Variants in ADCY8 observed in about 807,000 individuals in gnomAD.
The protein encoded by ADCY8 is adenylate cyclase type 8.
In ADCY8, 51 loss-of-function variants were observed where a neutral mutation model predicts 119.7. The observed-to-expected ratio is 0.43, with a 90% CI of 0.34 to 0.54. The LOEUF is 0.54. ADCY8 is among the 20% of genes least tolerant of loss of function. The pLI is 0.03. For synonymous variants in ADCY8, 665 were observed against 651.0 expected, an observed-to-expected ratio of 1.02 and a Z score of -0.33; for missense variants, 1,383 against 1,598.8, an observed-to-expected ratio of 0.87 and a Z score of 2.30.
rs1406572191 is a variant in ADCY8 at position 131,009,175 on chromosome 8, T to C, written c.961-18633A>G. Among the ~76,000 whole-genome samples the C allele has an allele frequency of 2.0e-5, 3 of 152,330 alleles. No homozygotes were observed. The South Asian group carries it at 6.2e-4, about 32-fold the overall frequency. ...CAATGGGGAAAATGTCTGCAGGGCA[T>C]GTCAGAGACCTTCACAGCAGCCTCC... On this transcript the variant is annotated intron_variant, in intron 1 of 17. Coordinates refer to ENST00000286355, the MANE Select transcript of ADCY8 (RefSeq NM_001115.3).
intron 2 of ADCY8, among the ~76,000 whole-genome samples, chr8:130,965,848 AC>A (rs1365323957): frequency 6.6e-6 from 1 of 152,200 alleles, no homozygotes; most frequent in African/African-American, 2.4e-5. Context: ...TTTTCAATTA[AC>A]CAAGCAACAG....
intron 1 of ADCY8, among the ~76,000 whole-genome samples, chr8:131,037,516 G>A (rs1386783613): frequency 6.6e-6 from 1 of 152,160 alleles, no homozygotes; most frequent in Non-Finnish European, 1.5e-5. Context: ...TTTTCTAGTT[G>A]TGTGTACTGA....
intron 2 of ADCY8, among the ~76,000 whole-genome samples, chr8:130,969,252 C>T (rs78835487): frequency 1.3e-5 from 2 of 152,128 alleles, no homozygotes; most frequent in East Asian, 3.9e-4. Context: ...CTCTCCCAAG[C>T]AGAAAGGAAT....
chr8:130,781,209 A>T (rs1262023429), intron 17 of ADCY8, among the ~76,000 whole-genome samples: 1 of 152,196 alleles, frequency 6.6e-6, no homozygotes, highest in Admixed American at 6.5e-5. Flanking sequence ...GACTTGTCTT[A>T]GTCTGTGAGA....
chr8:130,990,272 T>C (rs1474302635), intron 2 of ADCY8, 121 bp downstream of exon 2: 1 of 1,310,270 alleles, frequency 7.6e-7, no homozygotes, highest in African/African-American at 1.5e-5. Context: ...TGGAATCCTG[T>C]GACATAAACT....
At chr8:131,018,107 G>A (rs774200934) in intron 1 of ADCY8, among the ~76,000 whole-genome samples, 1 of 152,154 alleles carries the variant, frequency 6.6e-6, no homozygotes, top group Non-Finnish European at 1.5e-5. Flanking sequence ...AAAGAAGTGG[G>A]CTTTGAAGTA....
chr8:130,904,897 C>A (rs565435483), intron 6 of ADCY8, among the ~76,000 whole-genome samples: 2 of 152,086 alleles, frequency 1.3e-5, no homozygotes, highest in African/African-American at 4.8e-5. Flanking sequence ...CTACTTATTG[C>A]GTTATAGTGT....
intron 14 of ADCY8, among the ~76,000 whole-genome samples, chr8:130,803,989 GT>G (rs1409253377): frequency 2.6e-5 from 4 of 152,198 alleles, no homozygotes; most frequent in Admixed American, 6.5e-5. Context: ...CAGAGCAAAG[GT>G]AAATGGCTTT....
chr8:130,846,896 C>CCT (rs1487731418), intron 11 of ADCY8, among the ~76,000 whole-genome samples: 2 of 75,708 alleles, frequency 2.6e-5, no homozygotes, highest in Non-Finnish European at 5.6e-5. Flanking sequence ...CCTTTCCTTC[C>CCT]TTCCTTCCTT....
At chr8:130,958,312 A>G (rs1821494112) in intron 2 of ADCY8, among the ~76,000 whole-genome samples, 1 of 152,196 alleles carries the variant, frequency 6.6e-6, no homozygotes, top group African/African-American at 2.4e-5. Context: ...AGAAAATTGA[A>G]TGCATAAGCA....
intron 13 of ADCY8, among the ~76,000 whole-genome samples, chr8:130,821,062 G>A (rs1816493468): frequency 6.6e-6 from 1 of 152,116 alleles, no homozygotes; most frequent in African/African-American, 2.4e-5. Context: ...CAACAGAATT[G>A]GGAGGGATCC....
chr8:130,812,009 A>G (rs1359499629), intron 14 of ADCY8, among the ~76,000 whole-genome samples: 1 of 152,042 alleles, frequency 6.6e-6, no homozygotes, highest in African/African-American at 2.4e-5. Context: ...GTCATTTCTC[A>G]CCTCCCACAT....
intron 9 of ADCY8, among the ~76,000 whole-genome samples, chr8:130,854,864 G>A (rs1394007780): frequency 3.0e-5 from 3 of 101,034 alleles, no homozygotes; most frequent in South Asian, 7.1e-4. Context: ...CCCTCTGTAG[G>A]TCACTACCTC....
chr8:130,973,990 T>G (rs1172538940), intron 2 of ADCY8, among the ~76,000 whole-genome samples: 1 of 152,192 alleles, frequency 6.6e-6, no homozygotes, highest in East Asian at 1.9e-4. Flanking sequence ...CAGAACCAGA[T>G]TTGAAAACTT....
intron 7 of ADCY8, among the ~76,000 whole-genome samples, chr8:130,889,887 A>T (rs913400460): frequency 6.6e-6 from 1 of 152,066 alleles, no homozygotes; most frequent in East Asian, 1.9e-4. Context: ...CTGCTACTAT[A>T]AAAAACAAAT....
At chr8:131,006,851 T>C (rs959203) in intron 1 of ADCY8, among the ~76,000 whole-genome samples, 1 of 152,176 alleles carries the variant, frequency 6.6e-6, no homozygotes, top group Non-Finnish European at 1.5e-5. Flanking sequence ...CAAGGCCAGA[T>C]GACAACGTTT....
At chr8:130,893,233 C>A (rs996992981) in intron 7 of ADCY8, among the ~76,000 whole-genome samples, 2 of 152,100 alleles carry the variant, frequency 1.3e-5, no homozygotes, top group South Asian at 2.1e-4. Flanking sequence ...GTATCACATC[C>A]GTAGTAATGT....
intron 8 of ADCY8, among the ~76,000 whole-genome samples, chr8:130,870,828 A>G (rs1469125346): frequency 2.0e-5 from 3 of 152,154 alleles, no homozygotes; most frequent in African/African-American, 7.2e-5. Context: ...ACGGAGACGT[A>G]CTTTGCTTTT....
At chr8:130,834,854 A>C (rs1202643609) in intron 12 of ADCY8, among the ~76,000 whole-genome samples, 1 of 152,206 alleles carries the variant, frequency 6.6e-6, no homozygotes, top group Non-Finnish European at 1.5e-5. Context: ...GTGTATGTAT[A>C]CATTATATAT....
Sources: gnomAD v4.1 joint callset for allele counts (sites outside exome capture counted in the v4.1 genomes callset) on GRCh38, gnomAD v4.1.1 for gene constraint, MANE v1.5 for transcripts, NCBI Gene and HGNC (gene_info 2026-07-23, HGNC 2026-07-21) for gene names.